The following EPB41 variants were observed in gnomAD, a reference collection of about 807,000 sequenced individuals.
EPB41 encodes the protein erythrocyte membrane protein band 4.1, also known as protein 4.1.
A neutral mutation model predicts 108.0 loss-of-function variants in EPB41; 65 were observed. The observed-to-expected ratio is 0.60, with a 90% CI of 0.49 to 0.74. The LOEUF (loss-of-function observed/expected upper bound fraction) is 0.74, where lower values mean the gene tolerates loss of function less well. Ranked by LOEUF, EPB41 falls within the 30% of genes least tolerant of loss-of-function variation. The probability of loss-of-function intolerance (pLI) is 0.00; values close to 1 mark genes in which losing one functional copy is unlikely to be tolerated. For missense variants in EPB41, 875 were observed against 1,037.0 expected (o/e 0.84, Z 2.15); for synonymous variants, 336 against 358.9 (o/e 0.94, Z 0.72).
At position 28,905,454 on chromosome 1, in the gene EPB41, G is replaced by A. The variant is rs1433026104; in HGVS notation, c.-8+18244G>A. On this transcript the variant is annotated intron_variant, in intron 1 of 16. Transcript: ENST00000347529. ...GGAGGTTGCAGTGAGCTGAGATCAC[G>A]CCACTGCACTCAGCCTGGGCGACAG... is the stretch of plus-strand genomic sequence containing the variant. Among the ~76,000 whole-genome samples the A allele has an allele frequency of 9.3e-5, 14 of 150,824 alleles. 1 individual carries two copies. The highest frequency in any genetic ancestry group is 2.2e-4 in the African/African-American group (9 of 40,906).
intron 1 of EPB41, among the ~76,000 whole-genome samples, chr1:28,946,436 T>C (rs2094492543): frequency 6.6e-6 from 1 of 152,244 alleles, no homozygotes; most frequent in Non-Finnish European, 1.5e-5. Context: ...AATCTCCTGC[T>C]ATAACACCTA....
chr1:28,960,076 T>C (rs2095139160), intron 1 of EPB41, among the ~76,000 whole-genome samples: 1 of 150,230 alleles, frequency 6.7e-6, no homozygotes, highest in Admixed American at 6.7e-5. Flanking sequence ...CACTGCCCAC[T>C]GTAGCCTCGA....
intron 3 of EPB41, among the ~76,000 whole-genome samples, chr1:28,997,011 G>T (rs1396224928): frequency 1.3e-5 from 2 of 152,046 alleles, no homozygotes; most frequent in Non-Finnish European, 2.9e-5. Flanking sequence ...AATTAGTCAG[G>T]CATGGTGGTG....
At chr1:29,066,611 C>G (rs1031698161) in intron 16 of EPB41, among the ~76,000 whole-genome samples, 3 of 151,998 alleles carry the variant, frequency 2.0e-5, no homozygotes, top group Non-Finnish European at 4.4e-5. Context: ...CTTGTTTTTC[C>G]CCCAAAACAA....
At chr1:29,022,125 G>T (rs1312157849) in intron 7 of EPB41, among the ~76,000 whole-genome samples, 1 of 151,996 alleles carries the variant, frequency 6.6e-6, no homozygotes. Flanking sequence ...TAAGGTCAGT[G>T]GTTATTTTAA....
At chr1:29,031,649 C>A (rs998954002) in intron 8 of EPB41, 2 of 152,200 alleles carry the variant, frequency 1.3e-5, no homozygotes, top group African/African-American at 2.4e-5. Flanking sequence ...TTCTGATGCA[C>A]ACTGAATGAA....
intron 1 of EPB41, among the ~76,000 whole-genome samples, chr1:28,979,930 C>T (rs944660070): frequency 2.6e-5 from 4 of 152,188 alleles, no homozygotes; most frequent in African/African-American, 9.7e-5. Flanking sequence ...ATCAAGGCTT[C>T]TAAAAGTGAA....
At chr1:29,008,057 G>A (rs1383078009) in intron 4 of EPB41, among the ~76,000 whole-genome samples, 1 of 152,124 alleles carries the variant, frequency 6.6e-6, no homozygotes. Flanking sequence ...AATTGTTGAT[G>A]TACATGTAGG....
At chr1:29,045,540 A>C (rs1022471795) in intron 11 of EPB41, among the ~76,000 whole-genome samples, 1 of 139,180 alleles carries the variant, frequency 7.2e-6, no homozygotes, top group African/African-American at 2.7e-5. Context: ...TTTTTTTTAG[A>C]GACAGGGTCT....
intron 6 of EPB41, among the ~76,000 whole-genome samples, chr1:29,017,167 T>G (rs1030523672): frequency 7.2e-5 from 11 of 152,194 alleles, no homozygotes; most frequent in Admixed American, 7.2e-4. Flanking sequence ...ACAAAACACA[T>G]TTCTAAAAAT....
At chr1:29,000,172 C>T (rs930368422) in intron 4 of EPB41, among the ~76,000 whole-genome samples, 1 of 152,186 alleles carries the variant, frequency 6.6e-6, no homozygotes, top group South Asian at 2.1e-4. Context: ...GATCTCTGCT[C>T]ACTGCAATCT....
chr1:29,115,817 C>G lies in EPB41; in HGVS notation c.*6+14C>G. 1 of 1,602,420 alleles carries G rather than the reference C, an allele frequency of 6.2e-7. No individual in the cohort carries two copies. Among genetic ancestry groups the G allele is most frequent in the Non-Finnish European group, 8.5e-7 (1 of 1,169,700 alleles). ...GAGTGAGCTCAGGTACTGGGCGTTC[C>G]TGCTGGGGCTGAGGGTGCCCACAGT... On this transcript the variant is annotated intron_variant, in intron 20 of 20. Transcript: ENST00000343067. The surrounding 1 kb of genome is among the most constrained non-coding windows in gnomAD (Gnocchi z 4.4).
intron 16 of EPB41, 100 bp from the exon 17 acceptor site, chr1:29,097,707 A>G (rs1663712458): frequency 2.9e-6 from 4 of 1,398,768 alleles, no homozygotes; most frequent in Middle Eastern, 1.8e-4. Flanking sequence ...CTAGCTCTGT[A>G]CTTAATTAAA....
chr1:28,894,787 G>A (rs1221916465), intron 1 of EPB41, among the ~76,000 whole-genome samples: 3 of 152,198 alleles, frequency 2.0e-5, no homozygotes, highest in Admixed American at 2.0e-4. Flanking sequence ...AGGAGTTGAT[G>A]AGAAGAGCCC....
At chr1:28,986,892 C>A (rs1176598655) in intron 1 of EPB41, among the ~76,000 whole-genome samples, 2 of 152,140 alleles carry the variant, frequency 1.3e-5, no homozygotes, top group Non-Finnish European at 1.5e-5. Flanking sequence ...TCCAGTCTTA[C>A]AACAAACTAT....
At chr1:28,964,969 T>C (rs1467991136) in intron 1 of EPB41, among the ~76,000 whole-genome samples, 1 of 152,234 alleles carries the variant, frequency 6.6e-6, no homozygotes, top group Non-Finnish European at 1.5e-5. Context: ...GCTTATTCTC[T>C]GCATATATTA....
At chr1:29,046,273 C>A (rs1378933211) in intron 11 of EPB41, among the ~76,000 whole-genome samples, 1 of 151,730 alleles carries the variant, frequency 6.6e-6, no homozygotes, top group African/African-American at 2.4e-5. Flanking sequence ...TACAGGTGCA[C>A]GCCACCACCA....
chr1:29,079,652 C>G (rs1655595862), intron 16 of EPB41, among the ~76,000 whole-genome samples: 1 of 152,038 alleles, frequency 6.6e-6, no homozygotes, highest in African/African-American at 2.4e-5. Context: ...CTTAGTTGAT[C>G]CACCTTCCTC....
intron 11 of EPB41, among the ~76,000 whole-genome samples, chr1:29,043,853 A>T (rs1019226830): frequency 2.0e-5 from 3 of 152,232 alleles, no homozygotes; most frequent in Non-Finnish European, 1.5e-5. Context: ...AGTGTTGGCA[A>T]CAAAGACAGG....
Sources: allele counts gnomAD v4.1 joint callset (sites outside exome capture counted in the v4.1 genomes callset), GRCh38; gene constraint gnomAD v4.1.1; non-coding constraint Gnocchi (gnomAD v3.1); transcripts MANE v1.5; gene names NCBI Gene and HGNC (gene_info 2026-07-23, HGNC 2026-07-21).